LHFPL6: variants seen among roughly 807,000 people sequenced by gnomAD.
LHFPL6 encodes LHFPL tetraspan subfamily member 6 protein.
A neutral mutation model predicts 20.6 loss-of-function variants in LHFPL6; 9 were observed. That is an observed-to-expected ratio of 0.44 (90% CI 0.26 to 0.76). LHFPL6 has a LOEUF of 0.76. LHFPL6 is among the 30% of genes least tolerant of loss of function. The probability of loss-of-function intolerance (pLI) is 0.20; values close to 1 mark genes in which losing one functional copy is unlikely to be tolerated. For synonymous variants in LHFPL6, 105 were observed against 98.7 expected (o/e 1.06, Z -0.38); for missense variants, 218 against 253.5 (o/e 0.86, Z 0.95).
chr13:39,368,530 C>T (rs774257159), intron 3 of LHFPL6, among the ~76,000 whole-genome samples: 4 of 152,134 alleles, frequency 2.6e-5, no homozygotes, highest in Non-Finnish European at 4.4e-5. Flanking sequence ...TGCAGTGAGC[C>T]AAGATCACGC....
intron 3 of LHFPL6, among the ~76,000 whole-genome samples, chr13:39,356,298 A>G (rs1869725193): frequency 6.6e-6 from 1 of 152,258 alleles, no homozygotes; most frequent in Non-Finnish European, 1.5e-5. Flanking sequence ...ATTAAGGCAG[A>G]AATTTAAAAA....
At chr13:39,484,276 C>T (rs1420341749) in intron 2 of LHFPL6, among the ~76,000 whole-genome samples, 1 of 152,148 alleles carries the variant, frequency 6.6e-6, no homozygotes, top group Admixed American at 6.6e-5. Context: ...ATGTGTTCCT[C>T]TCTTAGCAGT....
At chr13:39,413,318 T>C (rs1871275338) in intron 2 of LHFPL6, among the ~76,000 whole-genome samples, 1 of 152,220 alleles carries the variant, frequency 6.6e-6, no homozygotes, top group Non-Finnish European at 1.5e-5. Flanking sequence ...AACTATGAAA[T>C]GTATCCACAT....
chr13:39,434,610 C>T (rs534610371), intron 2 of LHFPL6, among the ~76,000 whole-genome samples: 1 of 152,282 alleles, frequency 6.6e-6, no homozygotes, highest in South Asian at 2.1e-4. Context: ...GACATCCTCA[C>T]TGATGGCCCA....
At chr13:39,383,790 G>A (rs1870497943) in intron 2 of LHFPL6, among the ~76,000 whole-genome samples, 1 of 152,198 alleles carries the variant, frequency 6.6e-6, no homozygotes, top group Non-Finnish European at 1.5e-5. Context: ...AAATAAAAAG[G>A]ATAAACTGGT....
intron 2 of LHFPL6, among the ~76,000 whole-genome samples, chr13:39,500,025 A>G (rs1869239483): frequency 6.6e-6 from 1 of 150,484 alleles, no homozygotes; most frequent in Admixed American, 6.6e-5. Flanking sequence ...TTTTAATCAA[A>G]CTCCTCTCTC....
intron 2 of LHFPL6, among the ~76,000 whole-genome samples, chr13:39,436,234 T>A (rs768518878): frequency 1.3e-5 from 2 of 151,996 alleles, no homozygotes; most frequent in Non-Finnish European, 2.9e-5. Flanking sequence ...TGCAGAAAGA[T>A]CCCAAAATAA....
At chr13:39,559,871 C>T (rs930615330) in intron 2 of LHFPL6, among the ~76,000 whole-genome samples, 3 of 152,118 alleles carry the variant, frequency 2.0e-5, no homozygotes, top group Non-Finnish European at 4.4e-5. Flanking sequence ...CCCCATTTTC[C>T]CTCCTCTAAA....
chr13:39,433,753 A>G (rs1247596766), intron 2 of LHFPL6, among the ~76,000 whole-genome samples: 1 of 152,236 alleles, frequency 6.6e-6, no homozygotes, highest in East Asian at 1.9e-4. Context: ...CAAAGCTGTC[A>G]TGTTGGCAAG....
chr13:39,533,655 A>G (rs1309734115), intron 2 of LHFPL6, among the ~76,000 whole-genome samples: 1 of 152,150 alleles, frequency 6.6e-6, no homozygotes, highest in African/African-American at 2.4e-5. Flanking sequence ...CCTCCCCACC[A>G]CTGGAGTCCA....
chr13:39,459,165 C>T (rs1404215191), intron 2 of LHFPL6, among the ~76,000 whole-genome samples: 1 of 150,176 alleles, frequency 6.7e-6, no homozygotes, highest in Non-Finnish European at 1.5e-5. Context: ...GGTTCCAGGT[C>T]TGTCAGTAAT....
intron 2 of LHFPL6, among the ~76,000 whole-genome samples, chr13:39,468,446 C>G (rs1370236976): frequency 2.6e-5 from 4 of 151,880 alleles, no homozygotes; most frequent in African/African-American, 7.3e-5. Flanking sequence ...GTGCTCCAAT[C>G]AGCTGGAGAA....
intron 2 of LHFPL6, among the ~76,000 whole-genome samples, chr13:39,552,268 A>T (rs1871161908): frequency 6.6e-6 from 1 of 152,222 alleles, no homozygotes; most frequent in Non-Finnish European, 1.5e-5. Context: ...AGGGGTCAGC[A>T]TTAATATAAG....
chr13:39,431,130 C>T (rs1182075334), intron 2 of LHFPL6, among the ~76,000 whole-genome samples: 2 of 152,166 alleles, frequency 1.3e-5, no homozygotes, highest in Non-Finnish European at 2.9e-5. Context: ...TCTGCTGCTT[C>T]ACTCCTGAAG....
At chr13:39,380,719 C>CTGACCACAGG (rs1467808766) in intron 2 of LHFPL6, among the ~76,000 whole-genome samples, 1 of 152,092 alleles carries the variant, frequency 6.6e-6, no homozygotes, top group African/African-American at 2.4e-5. Flanking sequence ...TCTAGAACTC[C>CTGACCACAGG]TGACCACAGG....
chr13:39,497,992 G>T (rs1593336732), intron 2 of LHFPL6, among the ~76,000 whole-genome samples: 2 of 152,160 alleles, frequency 1.3e-5, no homozygotes, highest in East Asian at 3.8e-4. Context: ...AGCTACAACT[G>T]AAGCCTCTGC....
At chr13:39,422,379 G>A (rs1361728891) in intron 2 of LHFPL6, among the ~76,000 whole-genome samples, 1 of 152,144 alleles carries the variant, frequency 6.6e-6, no homozygotes, top group Non-Finnish European at 1.5e-5. Flanking sequence ...GATGTCAGGA[G>A]TTTGAGATCA....
At chr13:39,481,120 T>C (rs930429378) in intron 2 of LHFPL6, among the ~76,000 whole-genome samples, 6 of 152,262 alleles carry the variant, frequency 3.9e-5, no homozygotes, top group African/African-American at 1.4e-4. Context: ...TGTATTAGTT[T>C]TATAATAAAA....
chr13:39,472,052 A>T lies in LHFPL6; in HGVS notation c.386-93526T>A, dbSNP rs1872961257. On this transcript the variant is annotated intron_variant, in intron 2 of 3. Coordinates refer to ENST00000379589, the MANE Select transcript of LHFPL6 (RefSeq NM_005780.3). ...ACAGGTATTCCCAAAATTACACAGG[A>T]AACTGTGACAGAGCAGAGACCAGAA... Among the ~76,000 whole-genome samples, 3 of 152,204 alleles carry T rather than the reference A, an allele frequency of 2.0e-5. No homozygotes were observed. In the South Asian group the frequency reaches 6.2e-4, roughly 32 times the overall value.
Sources: gnomAD v4.1 joint callset for allele counts (sites outside exome capture counted in the v4.1 genomes callset) on GRCh38, gnomAD v4.1.1 for gene constraint, MANE v1.5 for transcripts, NCBI Gene and HGNC (gene_info 2026-07-23, HGNC 2026-07-21) for gene names.